The following FNBP1L variants were observed in gnomAD, a reference collection of about 807,000 sequenced individuals.
FNBP1L encodes the protein formin-binding protein 1-like.
A neutral mutation model predicts 91.2 loss-of-function variants in FNBP1L; 36 were observed. The ratio of observed to expected loss-of-function variants is 0.39; its 90% confidence interval spans 0.30 to 0.52. The LOEUF (loss-of-function observed/expected upper bound fraction) is 0.52, where lower values mean the gene tolerates loss of function less well. FNBP1L is among the 20% of genes least tolerant of loss of function. The pLI is 0.66. For synonymous variants in FNBP1L, 242 were observed against 237.0 expected, an observed-to-expected ratio of 1.02 and a Z score of -0.19; for missense variants, 571 against 732.1, an observed-to-expected ratio of 0.78 and a Z score of 2.54.
At chr1:93,498,558 C>A (rs1670341182) in intron 1 of FNBP1L, among the ~76,000 whole-genome samples, 1 of 152,046 alleles carries the variant, frequency 6.6e-6, no homozygotes, top group South Asian at 2.1e-4. Context: ...CGTGACTAAA[C>A]CACAAGTGAT....
chr1:93,532,128 G>C (rs369686173), intron 7 of FNBP1L, among the ~76,000 whole-genome samples: 18 of 152,178 alleles, frequency 1.2e-4, no homozygotes, highest in East Asian at 7.7e-4. Context: ...TGGACTGTTG[G>C]TCCAGCCAAG....
At chr1:93,479,585 C>T (rs1307134188) in intron 1 of FNBP1L, among the ~76,000 whole-genome samples, 4 of 152,014 alleles carry the variant, frequency 2.6e-5, no homozygotes, top group Non-Finnish European at 4.4e-5. Context: ...CCAGAGCAGC[C>T]GTTTATAGAC....
intron 11 of FNBP1L, 112 bp from the exon 12 acceptor site, chr1:93,543,995 A>G (rs1055056196): frequency 8.6e-6 from 6 of 701,542 alleles, no homozygotes; most frequent in African/African-American, 7.4e-5. Flanking sequence ...TGCTTGAGGC[A>G]AATTTGAAAT....
intron 12 of FNBP1L, among the ~76,000 whole-genome samples, chr1:93,544,729 C>T (rs577246804): frequency 1.3e-5 from 2 of 152,222 alleles, no homozygotes; most frequent in East Asian, 3.9e-4. Flanking sequence ...AGTGTTATTA[C>T]AATGAATTGG....
chr1:93,539,208 G>A (rs1209833220), intron 10 of FNBP1L, among the ~76,000 whole-genome samples: 1 of 151,944 alleles, frequency 6.6e-6, no homozygotes, highest in Non-Finnish European at 1.5e-5. Flanking sequence ...TATCTCTCCA[G>A]AGTAGTTCTC....
At chr1:93,491,563 A>T (rs1243978890) in intron 1 of FNBP1L, among the ~76,000 whole-genome samples, 1 of 151,840 alleles carries the variant, frequency 6.6e-6, no homozygotes, top group Admixed American at 6.6e-5. Flanking sequence ...GTATAAAAAA[A>T]TTTTCGTTTG....
intron 1 of FNBP1L, among the ~76,000 whole-genome samples, chr1:93,466,793 A>G (rs1189963111): frequency 1.3e-5 from 2 of 152,188 alleles, no homozygotes; most frequent in East Asian, 1.9e-4. Context: ...TACTTTGGGC[A>G]GTATGGCCAT....
intron 1 of FNBP1L, among the ~76,000 whole-genome samples, chr1:93,475,066 T>C (rs570406038): frequency 2.0e-5 from 3 of 152,172 alleles, no homozygotes; most frequent in African/African-American, 7.2e-5. Flanking sequence ...GAACAGAATC[T>C]GAAGTGACTT....
At chr1:93,465,532 C>T (rs972476203) in intron 1 of FNBP1L, among the ~76,000 whole-genome samples, 2 of 152,160 alleles carry the variant, frequency 1.3e-5, no homozygotes, top group African/African-American at 4.8e-5. Context: ...AGGACATGAA[C>T]TCATCCTTTT....
Position 93,475,556 on chromosome 1 carries a change from A to G in FNBP1L, c.25-23912A>G, listed in dbSNP as rs575476682. Among the ~76,000 whole-genome samples, 68 of 152,308 alleles carry G rather than the reference A, an allele frequency of 4.5e-4. 1 individual carries two copies. The highest frequency in any genetic ancestry group is 1.6e-3 in the African/African-American group (67 of 41,582). ...CCTGTCTCAAAAAAACTCCCAAAACAAAAACCAAACTCCTTATCTCCACCA... is the reference window on the plus strand; with the variant it reads ...CCTGTCTCAAAAAAACTCCCAAAACGAAAACCAAACTCCTTATCTCCACCA... On this transcript the variant is annotated intron_variant, in intron 1 of 16. Coordinates refer to ENST00000271234, the MANE Select transcript of FNBP1L (RefSeq NM_001164473.3).
chr1:93,450,840 C>G (rs1286762952), intron 1 of FNBP1L, among the ~76,000 whole-genome samples: 1 of 152,054 alleles, frequency 6.6e-6, no homozygotes, highest in African/African-American at 2.4e-5. Context: ...ATTTTTATTG[C>G]TATTTTAATG....
intron 1 of FNBP1L, among the ~76,000 whole-genome samples, chr1:93,493,703 CT>C (rs1670172557): frequency 6.6e-6 from 1 of 152,102 alleles, no homozygotes. Flanking sequence ...AATTTCCTTC[CT>C]TTTTAAGGCT....
At chr1:93,542,779 T>TG (rs1387248678) in intron 11 of FNBP1L, among the ~76,000 whole-genome samples, 3 of 131,624 alleles carry the variant, frequency 2.3e-5, no homozygotes, top group African/African-American at 3.8e-5. Context: ...TCTTTACCTT[T>TG]TTTTTTTTTT....
chr1:93,515,630 T>C (rs1009424767), intron 2 of FNBP1L, among the ~76,000 whole-genome samples: 4 of 151,408 alleles, frequency 2.6e-5, no homozygotes, highest in African/African-American at 4.9e-5. Context: ...ATGGATGAAA[T>C]TGGAAATCAT....
intron 6 of FNBP1L, 90 bp from the exon 7 acceptor site, chr1:93,530,665 A>C: frequency 7.0e-7 from 1 of 1,421,652 alleles, no homozygotes; most frequent in Non-Finnish European, 9.5e-7. Flanking sequence ...TGGCTTCTTC[A>C]TTGATAAAAT....
chr1:93,509,032 A>C (rs929886184), intron 2 of FNBP1L, among the ~76,000 whole-genome samples: 114 of 152,286 alleles, frequency 7.5e-4, no homozygotes, highest in African/African-American at 2.7e-3. Flanking sequence ...ATTGACTTTC[A>C]TTGGCCTAGA....
At chr1:93,496,780 C>G (rs1262451735) in intron 1 of FNBP1L, among the ~76,000 whole-genome samples, 3 of 152,142 alleles carry the variant, frequency 2.0e-5, no homozygotes, top group African/African-American at 7.2e-5. Flanking sequence ...AGTCTCCCAT[C>G]TGGGCCTTCC....
chr1:93,532,848 G>GA (rs1342238903), intron 7 of FNBP1L, 74 bp from the exon 8 acceptor site: 42 of 1,077,152 alleles, frequency 3.9e-5, no homozygotes, highest in Non-Finnish European at 5.0e-5. Flanking sequence ...TTTGATGGGG[G>GA]ATCACTAATT....
intron 2 of FNBP1L, among the ~76,000 whole-genome samples, chr1:93,518,622 T>G (rs1363084806): frequency 6.6e-6 from 1 of 152,132 alleles, no homozygotes; most frequent in Non-Finnish European, 1.5e-5. Context: ...AGTAGATAAA[T>G]TTCATTTTAG....
Sources: allele counts gnomAD v4.1 joint callset (sites outside exome capture counted in the v4.1 genomes callset), GRCh38; gene constraint gnomAD v4.1.1; transcripts MANE v1.5; gene names NCBI Gene and HGNC (gene_info 2026-07-23, HGNC 2026-07-21).